The following PRKCB variants were observed in gnomAD, a reference collection of about 807,000 sequenced individuals.
PRKCB encodes protein kinase C beta, also known as protein kinase C beta type.
Under a neutral mutation model 81.5 loss-of-function variants are expected in PRKCB, and 13 were observed. The ratio of observed to expected loss-of-function variants is 0.16; its 90% CI spans 0.10 to 0.25. PRKCB has a LOEUF of 0.25. Ranked by LOEUF, PRKCB falls within the 10% of genes least tolerant of loss-of-function variation. The pLI is 1.00. For synonymous variants in PRKCB, 335 were observed against 321.4 expected, an observed-to-expected ratio of 1.04 and a Z score of -0.45; for missense variants, 509 against 875.7, an observed-to-expected ratio of 0.58 and a Z score of 5.29.
chr16:23,976,754 G>C (rs570918763), intron 2 of PRKCB, among the ~76,000 whole-genome samples: 4 of 152,134 alleles, frequency 2.6e-5, no homozygotes, highest in Non-Finnish European at 4.4e-5. Context: ...ATCTTTGGGG[G>C]CCTGATCAAA....
intron 2 of PRKCB, among the ~76,000 whole-genome samples, chr16:23,878,698 G>A (rs1054402181): frequency 1.3e-5 from 2 of 152,168 alleles, no homozygotes; most frequent in South Asian, 2.1e-4. Context: ...TGGATTTGGC[G>A]GTTATAAATA....
At chr16:24,098,269 C>T (rs922670291) in intron 7 of PRKCB, 1 of 152,162 alleles carries the variant, frequency 6.6e-6, no homozygotes, top group African/African-American at 2.4e-5. Flanking sequence ...CAAAGATTTC[C>T]TTAGCTCACT....
At chr16:23,945,034 G>T (rs903052273) in intron 2 of PRKCB, among the ~76,000 whole-genome samples, 5 of 152,168 alleles carry the variant, frequency 3.3e-5, no homozygotes, top group Non-Finnish European at 5.9e-5. Flanking sequence ...GGGGGATGAG[G>T]AGAGAGACCA....
chr16:24,002,437 A>G (rs1043540501), intron 3 of PRKCB, among the ~76,000 whole-genome samples: 2 of 151,856 alleles, frequency 1.3e-5, no homozygotes, highest in African/African-American at 2.4e-5. Context: ...CCTCCCAGAT[A>G]CAAGTGATTC....
At chr16:24,070,146 G>C (rs541518540) in intron 5 of PRKCB, among the ~76,000 whole-genome samples, 3 of 144,464 alleles carry the variant, frequency 2.1e-5, no homozygotes, top group Non-Finnish European at 4.5e-5. Flanking sequence ...GAAACCAGGG[G>C]ATTTTTTTTT....
chr16:24,030,009 C>T (rs1965531694), intron 3 of PRKCB, among the ~76,000 whole-genome samples: 1 of 152,120 alleles, frequency 6.6e-6, no homozygotes, highest in Non-Finnish European at 1.5e-5. Flanking sequence ...AAGTGATCTT[C>T]CCACTTCAAC....
At chr16:23,859,871 GAGAGAGAGAGAGAA>G (rs1177464395) in intron 2 of PRKCB, among the ~76,000 whole-genome samples, 135 of 150,400 alleles carry the variant, frequency 9.0e-4, no homozygotes, top group African/African-American at 2.5e-3. Flanking sequence ...AGCATTAGGA[GAGAGAGAGAGAGAA>G]AGAGAGAGAG....
intron 16 of PRKCB, among the ~76,000 whole-genome samples, chr16:24,206,312 C>G (rs948739701): frequency 2.0e-5 from 3 of 152,194 alleles, no homozygotes; most frequent in African/African-American, 7.2e-5. Flanking sequence ...ATAGGAACGA[C>G]CCTGCATTTC....
At chr16:24,121,242 C>T (rs980782524) in intron 8 of PRKCB, among the ~76,000 whole-genome samples, 2 of 152,196 alleles carry the variant, frequency 1.3e-5, no homozygotes, top group African/African-American at 4.8e-5. Context: ...ACCTTTTGGA[C>T]ACAGTATGGA....
Position 23,949,688 on chromosome 16 carries a change from A to G in PRKCB, c.206-38820A>G, listed in dbSNP as rs528902175. ...CAGTGAACTAGCCAGACAAGCTGTC[A>G]TAGAGTTTCCAATTTAGTGGCAGTG... On this transcript the variant is annotated intron_variant, in intron 2 of 16. Coordinates refer to ENST00000643927, the MANE Select transcript of PRKCB (RefSeq NM_002738.7). Among the ~76,000 whole-genome samples the G allele has an allele frequency of 2.6e-5, 4 of 152,352 alleles. No individual in the cohort carries two copies. In the South Asian group the frequency reaches 6.2e-4, roughly 24 times the overall value.
rs113595374 is a variant in PRKCB, at chr16:24,135,437, C to G, written c.1065+11456C>G. On this transcript the variant is annotated intron_variant, in intron 9 of 16. Transcript: ENST00000643927. ...AAGCAATTCTCCTGCCTCAGCCTCC[C>G]GAGTGGCTGGGATTACAAACGCCTG... Among the ~76,000 whole-genome samples the G allele has an allele frequency of 9.6e-3, 1,451 of 151,712 alleles. 35 individuals are homozygous for G. Among genetic ancestry groups the G allele is most frequent in the African/African-American group, 0.033 (1,378 of 41,316 alleles).
intron 2 of PRKCB, among the ~76,000 whole-genome samples, chr16:23,932,367 G>T (rs13330641): frequency 1.3e-5 from 2 of 152,182 alleles, no homozygotes; most frequent in Non-Finnish European, 2.9e-5. Flanking sequence ...ATATGCTGAA[G>T]AATTTATGGG....
intron 2 of PRKCB, among the ~76,000 whole-genome samples, chr16:23,966,475 G>T (rs1964488822): frequency 6.6e-6 from 1 of 152,196 alleles, no homozygotes; most frequent in South Asian, 2.1e-4. Flanking sequence ...CTGTAGAGAG[G>T]ATTAAAGGAG....
In PRKCB at chr16:24,219,874, T is replaced by C; in HGVS notation, c.*5058T>C. 3 of 1,511,690 alleles carry C rather than the reference T, an allele frequency of 2.0e-6. No individual in the cohort carries two copies. Among genetic ancestry groups the C allele is most frequent in the East Asian group, 2.4e-5 (1 of 41,190 alleles). 93.6% of individuals were successfully genotyped at this position (1,511,690 alleles called of 1,614,324 possible). On this transcript the variant is annotated 3_prime_UTR_variant, in exon 17 of 17. Transcript: ENST00000643927. ...GCTCTTTCTGACTCTGCTCATGAGA[T>C]GGTATCAGCCACCCAATGACTGGCG...
chr16:24,136,604 AT>A (rs1478810776), intron 9 of PRKCB, among the ~76,000 whole-genome samples: 1 of 152,166 alleles, frequency 6.6e-6, no homozygotes, highest in African/African-American at 2.4e-5. Context: ...TCCATGTCTA[AT>A]TCTCACATGT....
At chr16:24,160,151 C>T (rs890949909) in intron 10 of PRKCB, among the ~76,000 whole-genome samples, 17 of 149,880 alleles carry the variant, frequency 1.1e-4, no homozygotes, top group African/African-American at 3.7e-4. Flanking sequence ...AGTGGCAGTT[C>T]CAGGGCTTGA....
intron 2 of PRKCB, among the ~76,000 whole-genome samples, chr16:23,927,089 G>A (rs1320405869): frequency 1.3e-5 from 2 of 152,136 alleles, no homozygotes; most frequent in Non-Finnish European, 2.9e-5. Flanking sequence ...CCAGGCAGGT[G>A]CCTGTACGGT....
intron 5 of PRKCB, among the ~76,000 whole-genome samples, chr16:24,085,538 G>A (rs1217167534): frequency 6.6e-6 from 1 of 152,102 alleles, no homozygotes; most frequent in East Asian, 1.9e-4. Context: ...GTTAAAATTT[G>A]GACTCTCTTA....
chr16:23,886,865 T>C (rs2141113606), intron 2 of PRKCB, among the ~76,000 whole-genome samples: 1 of 152,288 alleles, frequency 6.6e-6, no homozygotes, highest in South Asian at 2.1e-4. Context: ...TTGGTGCATG[T>C]CCCTCCTTCC....
Sources: allele counts gnomAD v4.1 joint callset (sites outside exome capture counted in the v4.1 genomes callset), GRCh38; gene constraint gnomAD v4.1.1; transcripts MANE v1.5; gene names NCBI Gene and HGNC (gene_info 2026-07-23, HGNC 2026-07-21).